DLG2: variants seen among roughly 807,000 people sequenced by gnomAD.
DLG2 encodes the protein discs large MAGUK scaffold protein 2, also known as disks large homolog 2.
In DLG2, 45 loss-of-function variants were observed where a neutral mutation model predicts 132.5. That is an observed-to-expected ratio of 0.34 (90% CI 0.27 to 0.44). The LOEUF (loss-of-function observed/expected upper bound fraction) is 0.44. Ranked by LOEUF, DLG2 falls within the 20% of genes least tolerant of loss-of-function variation. DLG2 has a pLI of 1.00. For synonymous variants in DLG2, 424 were observed against 419.6 expected (o/e 1.01, Z -0.13); for missense variants, 1,045 against 1,196.9 (o/e 0.87, Z 1.87).
At chr11:83,928,808 T>C (rs2154128876) in intron 15 of DLG2, among the ~76,000 whole-genome samples, 1 of 152,278 alleles carries the variant, frequency 6.6e-6, no homozygotes, top group Middle Eastern at 3.4e-3. Flanking sequence ...TCATAAGAAG[T>C]ATTTAACAAA....
rs2059231635 is a variant in DLG2 at position 83,605,663 on chromosome 11, A to G, written c.1940+27548T>C. 1.3e-5 allele frequency among the ~76,000 whole-genome samples: 2 copies of G among 152,268 alleles called. 1 individual carries two copies. The highest frequency in any genetic ancestry group is 2.9e-5 in the Non-Finnish European group (2 of 68,048). ...TTTAAAAACTTATTCAAGGTCATGC[A>G]GCAAGTTAAAGGTGCAGCTGCTTCC... On this transcript the variant is annotated intron_variant, in intron 19 of 27. Coordinates refer to ENST00000376104, the MANE Select transcript of DLG2 (RefSeq NM_001142699.3).
chr11:84,102,749 G>C (rs886377460), intron 9 of DLG2, among the ~76,000 whole-genome samples: 1 of 152,136 alleles, frequency 6.6e-6, no homozygotes, highest in Non-Finnish European at 1.5e-5. Flanking sequence ...GAGAAAAGGG[G>C]ATGTTTTAGG....
chr11:83,564,880 G>A (rs2096676516), intron 19 of DLG2, among the ~76,000 whole-genome samples: 2 of 151,986 alleles, frequency 1.3e-5, no homozygotes, highest in Non-Finnish European at 2.9e-5. Context: ...ATTGGATCAA[G>A]GAAGGGGATT....
At chr11:83,902,463 A>G (rs1244003416) in intron 15 of DLG2, among the ~76,000 whole-genome samples, 1 of 152,216 alleles carries the variant, frequency 6.6e-6, no homozygotes, top group Admixed American at 6.5e-5. Context: ...CAGCCTGCAC[A>G]AGGGGTACTA....
chr11:85,191,054 C>A (rs1438785584), intron 4 of DLG2, among the ~76,000 whole-genome samples: 2 of 152,140 alleles, frequency 1.3e-5, no homozygotes, highest in African/African-American at 4.8e-5. Context: ...ACCAAAAAGA[C>A]ACCTGCACTC....
intron 7 of DLG2, among the ~76,000 whole-genome samples, chr11:84,330,964 G>A (rs111244248): frequency 2.8e-4 from 42 of 152,292 alleles, no homozygotes; most frequent in African/African-American, 9.9e-4. Flanking sequence ...TGCCTTCTCT[G>A]TTCTTATTTA....
At chr11:84,330,533 TA>T (rs1311345944) in intron 7 of DLG2, among the ~76,000 whole-genome samples, 1 of 152,192 alleles carries the variant, frequency 6.6e-6, no homozygotes, top group Non-Finnish European at 1.5e-5. Context: ...AAGGTCCATA[TA>T]ACATTGGAGC....
At chr11:85,461,674 C>T (rs1237088400) in intron 3 of DLG2, among the ~76,000 whole-genome samples, 1 of 152,144 alleles carries the variant, frequency 6.6e-6, no homozygotes, top group East Asian at 1.9e-4. Context: ...ATCTTCACTT[C>T]CCCAAGCCAC....
At chr11:83,619,175 C>T (rs7104480) in intron 19 of DLG2, among the ~76,000 whole-genome samples, 2,230 of 152,270 alleles carry the variant, frequency 0.015, 61 homozygotes, top group African/African-American at 0.051. Flanking sequence ...GCATCATCAA[C>T]GAATGCATCC....
chr11:85,022,707 C>T (rs1366780818), intron 6 of DLG2, among the ~76,000 whole-genome samples: 1 of 152,040 alleles, frequency 6.6e-6, no homozygotes, highest in East Asian at 1.9e-4. Context: ...TTTTCTTCCT[C>T]CTCATTATTA....
chr11:84,780,995 T>C (rs1027249116), intron 6 of DLG2, among the ~76,000 whole-genome samples: 7 of 53,050 alleles, frequency 1.3e-4, no homozygotes, highest in African/African-American at 2.3e-4. Context: ...TCCAGGATTG[T>C]ACAAAAAAAA....
intron 15 of DLG2, among the ~76,000 whole-genome samples, chr11:83,903,727 T>C (rs1176664443): frequency 6.6e-6 from 1 of 152,166 alleles, no homozygotes; most frequent in Non-Finnish European, 1.5e-5. Context: ...CATCTTAAAA[T>C]AAGTGTTCAT....
At chr11:83,730,766 C>T (rs1422903712) in intron 18 of DLG2, among the ~76,000 whole-genome samples, 1 of 152,130 alleles carries the variant, frequency 6.6e-6, no homozygotes, top group East Asian at 1.9e-4. Flanking sequence ...TGCTGTTTCT[C>T]GTTGAAGATG....
intron 16 of DLG2, among the ~76,000 whole-genome samples, chr11:83,859,833 G>A (rs760142783): frequency 2.4e-4 from 37 of 152,148 alleles, no homozygotes; most frequent in Non-Finnish European, 4.4e-4. Context: ...TGGTTTTGTC[G>A]GCCAGGCCCA....
chr11:83,793,791 T>G (rs961455571), intron 17 of DLG2, among the ~76,000 whole-genome samples: 2 of 152,220 alleles, frequency 1.3e-5, no homozygotes, highest in Admixed American at 1.3e-4. Flanking sequence ...ATTATTATTG[T>G]TTTAGCATTT....
intron 6 of DLG2, chr11:84,997,334 G>A (rs929030778): frequency 6.6e-6 from 1 of 152,010 alleles, no homozygotes; most frequent in African/African-American, 2.4e-5. Context: ...AATCCTCCAG[G>A]CACACAAAAG....
At chr11:84,202,555 C>A (rs1354967157) in intron 8 of DLG2, among the ~76,000 whole-genome samples, 1 of 152,120 alleles carries the variant, frequency 6.6e-6, no homozygotes, top group Admixed American at 6.6e-5. Flanking sequence ...GACATAGGCA[C>A]AGGCAAAGAT....
chr11:85,152,289 G>T (rs1207828531), intron 5 of DLG2, among the ~76,000 whole-genome samples: 2 of 148,828 alleles, frequency 1.3e-5, no homozygotes, highest in Non-Finnish European at 3.0e-5. Flanking sequence ...CACCCATGCT[G>T]GAGTGCAGTG....
chr11:84,767,331 T>G (rs1206868371), intron 6 of DLG2, among the ~76,000 whole-genome samples: 1 of 152,020 alleles, frequency 6.6e-6, no homozygotes, highest in African/African-American at 2.4e-5. Context: ...GGCAAAGGCT[T>G]GAGGATCAGA....
Sources: allele counts gnomAD v4.1 joint callset (sites outside exome capture counted in the v4.1 genomes callset), GRCh38; gene constraint gnomAD v4.1.1; transcripts MANE v1.5; gene names NCBI Gene and HGNC (gene_info 2026-07-23, HGNC 2026-07-21).